SLC17A5: variants seen among roughly 807,000 people sequenced by gnomAD.
SLC17A5 encodes solute carrier family 17 member 5.
SLC17A5 carries 47 observed loss-of-function variants against 59.4 expected under a neutral mutation model. The observed-to-expected ratio is 0.79, with a 90% CI of 0.63 to 1.01. The LOEUF (loss-of-function observed/expected upper bound fraction) is 1.01. SLC17A5 is among the 50% of genes least tolerant of loss of function. The pLI is 0.00. For missense variants in SLC17A5, 522 were observed against 595.5 expected (o/e 0.88, Z 1.28); for synonymous variants, 202 against 210.7 (o/e 0.96, Z 0.36).
At chr6:73,600,491 A>G (rs754483060) in intron 9 of SLC17A5, 50 bp from the exon 10 acceptor site, 57 of 1,334,556 alleles carry the variant, frequency 4.3e-5, no homozygotes, top group Non-Finnish European at 5.9e-5. Flanking sequence ...ACATTTAAAC[A>G]GCTTCATTCT....
chr6:73,612,769 A>G (rs1554162072), intron 8 of SLC17A5, among the ~76,000 whole-genome samples: 1 of 152,116 alleles, frequency 6.6e-6, no homozygotes, highest in Non-Finnish European at 1.5e-5. Flanking sequence ...TTACCTTTCT[A>G]GGCCAGGCAC....
chr6:73,647,795 C>T (rs1015806567), intron 1 of SLC17A5, among the ~76,000 whole-genome samples: 4 of 152,210 alleles, frequency 2.6e-5, no homozygotes, highest in Non-Finnish European at 5.9e-5. Flanking sequence ...CGGCCAGGCA[C>T]GGTGGCTCAC....
intron 6 of SLC17A5, among the ~76,000 whole-genome samples, chr6:73,630,237 T>A (rs1713568411): frequency 6.6e-6 from 1 of 152,154 alleles, no homozygotes; most frequent in African/African-American, 2.4e-5. Context: ...ATGATCCGCC[T>A]GCCTTGGCCT....
At chr6:73,596,373 G>C (rs1406015815) in intron 10 of SLC17A5, among the ~76,000 whole-genome samples, 2 of 152,160 alleles carry the variant, frequency 1.3e-5, no homozygotes, top group Non-Finnish European at 2.9e-5. Flanking sequence ...AAAAGATCTT[G>C]AATGGCATAC....
At chr6:73,616,313 T>C (rs191944251) in intron 7 of SLC17A5, among the ~76,000 whole-genome samples, 5 of 152,340 alleles carry the variant, frequency 3.3e-5, no homozygotes, top group African/African-American at 7.2e-5. Context: ...AACCTCGTTT[T>C]GGTGTATAGT....
intron 6 of SLC17A5, among the ~76,000 whole-genome samples, chr6:73,625,679 G>A (rs1038695965): frequency 1.3e-5 from 2 of 152,152 alleles, no homozygotes; most frequent in African/African-American, 2.4e-5. Context: ...TCTGAGTGTA[G>A]GGCCAAGGAA....
intron 1 of SLC17A5, chr6:73,645,468 A>G (rs1769492813): frequency 1.0e-6 from 1 of 985,166 alleles, no homozygotes; most frequent in Admixed American, 6.2e-5. Flanking sequence ...TAAAAAGGGA[A>G]ATCAGTGAAT....
At chr6:73,647,965 A>T (rs1290491091) in intron 1 of SLC17A5, among the ~76,000 whole-genome samples, 2 of 152,120 alleles carry the variant, frequency 1.3e-5, no homozygotes, top group Non-Finnish European at 2.9e-5. Flanking sequence ...GCTACTCGGG[A>T]GGTTGAGGCA....
chr6:73,598,135 T>C (rs540760371), intron 10 of SLC17A5, among the ~76,000 whole-genome samples: 1 of 152,232 alleles, frequency 6.6e-6, no homozygotes, highest in African/African-American at 2.4e-5. Context: ...CTGAAGGCAA[T>C]GAGTGAACTT....
intron 9 of SLC17A5, among the ~76,000 whole-genome samples, chr6:73,604,834 A>G (rs606742): frequency 0.11 from 16,352 of 152,192 alleles, 1,056 homozygotes; most frequent in Middle Eastern, 0.18. Flanking sequence ...GTACACATTT[A>G]TATGTTAATA....
rs924848481 is a variant in SLC17A5 at position 73,644,509 on chromosome 6, C to T, written c.189G>A (p.Ala63=). Reference sequence around the variant, plus strand: ...TATTTGAATCTACCATATCCACTAACGCAACACTCAGATTCACACGTAATG... The same window carrying T: ...TATTTGAATCTACCATATCCACTAATGCAACACTCAGATTCACACGTAATG... The part of the protein sequence containing the change: ...VYALRVNLSV[A]LVDMVDSNTT... Residue 63 remains alanine (A), a synonymous_variant, in exon 2 of 11, where the codon GCG becomes GCA. Coordinates refer to ENST00000355773, the MANE Select transcript of SLC17A5 (RefSeq NM_012434.5). 19 of 1,613,700 alleles carry T rather than the reference C, an allele frequency of 1.2e-5. No individual in the cohort carries two copies. The highest frequency in any genetic ancestry group is 1.6e-4 in the Middle Eastern group (1 of 6,084).
chr6:73,650,130 G>A (rs1437423258), intron 1 of SLC17A5, among the ~76,000 whole-genome samples: 2 of 150,962 alleles, frequency 1.3e-5, no homozygotes, highest in East Asian at 3.9e-4. Context: ...GGAGGCTGAC[G>A]CAGGAGGATC....
rs1767681480 is a variant in SLC17A5, at chr6:73,612,621, T to C, written c.1112-2074A>G. On this transcript the variant is annotated intron_variant, in intron 8 of 10. Transcript: ENST00000355773. ...ATAGGGTATTGCTCTGTTGCCTAGGTTGGAGTGCAGTGTTGTGATCATAGC... is the reference window on the plus strand; with the variant it reads ...ATAGGGTATTGCTCTGTTGCCTAGGCTGGAGTGCAGTGTTGTGATCATAGC... 1.3e-5 allele frequency among the ~76,000 whole-genome samples: 2 copies of C among 151,880 alleles called. 1 individual carries two copies. The highest frequency in any genetic ancestry group is 1.3e-4 in the Admixed American group (2 of 15,236).
At chr6:73,615,656 G>C (rs987585975) in intron 7 of SLC17A5, among the ~76,000 whole-genome samples, 1 of 152,128 alleles carries the variant, frequency 6.6e-6, no homozygotes, top group African/African-American at 2.4e-5. Flanking sequence ...GTCTGTCTCA[G>C]AGGGAAATAA....
chr6:73,605,806 C>T (rs561564039), intron 9 of SLC17A5, among the ~76,000 whole-genome samples: 9 of 151,866 alleles, frequency 5.9e-5, no homozygotes, highest in Admixed American at 4.6e-4. Flanking sequence ...GGAGAAACTC[C>T]CTCTCTACTA....
chr6:73,627,357 G>C (rs541535251), intron 6 of SLC17A5, among the ~76,000 whole-genome samples: 3 of 152,270 alleles, frequency 2.0e-5, no homozygotes, highest in Admixed American at 6.5e-5. Context: ...TTACAGGTGT[G>C]AGCGACCGTG....
At chr6:73,602,680 C>T (rs1455053083) in intron 9 of SLC17A5, among the ~76,000 whole-genome samples, 1 of 150,856 alleles carries the variant, frequency 6.6e-6, no homozygotes, top group Non-Finnish European at 1.5e-5. Context: ...GAGGCTGAGG[C>T]AGGAGAATGG....
intron 7 of SLC17A5, among the ~76,000 whole-genome samples, chr6:73,620,525 T>TA (rs1768092866): frequency 6.6e-6 from 1 of 152,186 alleles, no homozygotes; most frequent in South Asian, 2.1e-4. Flanking sequence ...TATTTCTATA[T>TA]AGTGATCTTG....
intron 6 of SLC17A5, among the ~76,000 whole-genome samples, chr6:73,624,170 G>A (rs1473077828): frequency 1.3e-5 from 2 of 152,054 alleles, no homozygotes; most frequent in Admixed American, 6.6e-5. Context: ...TTGGGAGGCC[G>A]AGGCGGGCAG....
Sources: allele counts gnomAD v4.1 joint callset (sites outside exome capture counted in the v4.1 genomes callset), GRCh38; gene constraint gnomAD v4.1.1; transcripts MANE v1.5; gene names NCBI Gene and HGNC (gene_info 2026-07-23, HGNC 2026-07-21).